The following CAMK1D variants were observed in gnomAD, a reference collection of about 807,000 sequenced individuals.
CAMK1D encodes calcium/calmodulin-dependent protein kinase type 1D.
Under a neutral mutation model 47.7 loss-of-function variants are expected in CAMK1D, and 9 were observed. The observed-to-expected ratio is 0.19, with a 90% CI of 0.11 to 0.33. The LOEUF (loss-of-function observed/expected upper bound fraction) is 0.33, where lower values mean the gene tolerates loss of function less well. Ranked by LOEUF, CAMK1D falls within the 10% of genes least tolerant of loss-of-function variation. The pLI, the probability that CAMK1D is intolerant of heterozygous loss-of-function variation, is 1.00. For synonymous variants in CAMK1D, 184 were observed against 184.9 expected (o/e 0.99, Z 0.04); for missense variants, 291 against 488.7 (o/e 0.60, Z 3.81).
rs1388796030 is a variant in CAMK1D, at chr10:12,761,095, A to G, written c.438+9A>G. On this transcript the variant is annotated intron_variant, in intron 4 of 10. Transcript: ENST00000619168. ...TCCACAGAGACCTCAAGGTGAGGCC[A>G]TCGCTCAGCAGCATCCTGCAGCCAC... 8 of 1,612,584 alleles carry G rather than the reference A, an allele frequency of 5.0e-6. No homozygotes were observed. The highest frequency in any genetic ancestry group is 6.8e-6 in the Non-Finnish European group (8 of 1,178,958).
chr10:12,554,132 T>C (rs1057105991), intron 2 of CAMK1D, among the ~76,000 whole-genome samples: 5 of 150,392 alleles, frequency 3.3e-5, no homozygotes, highest in African/African-American at 1.2e-4. Context: ...CCCTCCCCAC[T>C]CCCCTCCCCT....
intron 2 of CAMK1D, among the ~76,000 whole-genome samples, chr10:12,650,902 C>T (rs549369916): frequency 1.6e-4 from 25 of 152,292 alleles, no homozygotes; most frequent in East Asian, 5.8e-4. Context: ...GGGTTCATCT[C>T]GCCCCACACC....
chr10:12,384,701 G>T (rs1838440185), intron 1 of CAMK1D, among the ~76,000 whole-genome samples: 1 of 152,056 alleles, frequency 6.6e-6, no homozygotes, highest in Non-Finnish European at 1.5e-5. Flanking sequence ...ATGGATCAGT[G>T]ACCTAATATA....
chr10:12,692,146 T>C (rs1448861874), intron 3 of CAMK1D, among the ~76,000 whole-genome samples: 1 of 152,210 alleles, frequency 6.6e-6, no homozygotes, highest in South Asian at 2.1e-4. Flanking sequence ...TTAAGAGCAC[T>C]TGTTTGATTT....
At chr10:12,605,638 C>T (rs1392470638) in intron 2 of CAMK1D, among the ~76,000 whole-genome samples, 1 of 152,102 alleles carries the variant, frequency 6.6e-6, no homozygotes, top group Non-Finnish European at 1.5e-5. Context: ...CAAAACACTT[C>T]TCAGGAGTGA....
At chr10:12,821,258 T>G in intron 8 of CAMK1D, among the ~76,000 whole-genome samples, 1 of 152,218 alleles carries the variant, frequency 6.6e-6, no homozygotes, top group Non-Finnish European at 1.5e-5. Flanking sequence ...GTCTACTGAT[T>G]GAAATGTTCA....
intron 3 of CAMK1D, among the ~76,000 whole-genome samples, chr10:12,674,605 T>G: frequency 6.7e-6 from 1 of 148,168 alleles, no homozygotes; most frequent in Non-Finnish European, 1.5e-5. Context: ...AATGCTTTTT[T>G]TTTTTTTTTT....
At chr10:12,439,006 T>C (rs751975250) in intron 1 of CAMK1D, among the ~76,000 whole-genome samples, 18 of 152,344 alleles carry the variant, frequency 1.2e-4, no homozygotes, top group Middle Eastern at 3.4e-3. Context: ...GTGCAGGCTC[T>C]TTCCTGTCTC....
At position 12,620,172 on chromosome 10, in the gene CAMK1D, G is replaced by A. The variant is rs1286986748; in HGVS notation, c.225-46564G>A. On this transcript the variant is annotated intron_variant, in intron 2 of 10. Coordinates refer to ENST00000619168, the MANE Select transcript of CAMK1D (RefSeq NM_153498.4). The stretch of plus-strand genomic sequence containing the variant: ...TCCGCAGTCCGGCCTGGGCGACAGA[G>A]CGAGACTCCGTCTCAAAAAAAAAAA... 2.8e-5 allele frequency among the ~76,000 whole-genome samples: 3 copies of A among 106,180 alleles called. No homozygotes were observed. In the East Asian group the frequency reaches 8.2e-4, roughly 29 times the overall value. 69.7% of individuals were successfully genotyped at this position (106,180 alleles called of 152,430 possible).
At chr10:12,482,728 G>C (rs1175760543) in intron 1 of CAMK1D, among the ~76,000 whole-genome samples, 1 of 152,186 alleles carries the variant, frequency 6.6e-6, no homozygotes, top group African/African-American at 2.4e-5. Context: ...TTATGCACAT[G>C]TAATTGCATT....
At chr10:12,523,630 A>T (rs1035120088) in intron 1 of CAMK1D, among the ~76,000 whole-genome samples, 1 of 152,198 alleles carries the variant, frequency 6.6e-6, no homozygotes, top group Non-Finnish European at 1.5e-5. Flanking sequence ...CTGCAATCGC[A>T]GGCACTCGGC....
chr10:12,432,434 A>C (rs2131992628), intron 1 of CAMK1D, among the ~76,000 whole-genome samples: 1 of 151,784 alleles, frequency 6.6e-6, no homozygotes, highest in East Asian at 1.9e-4. Context: ...TAAACAAATG[A>C]ATGAGTGAGT....
intron 2 of CAMK1D, among the ~76,000 whole-genome samples, chr10:12,622,468 C>T (rs929349372): frequency 6.6e-6 from 1 of 151,962 alleles, no homozygotes; most frequent in Non-Finnish European, 1.5e-5. Flanking sequence ...TCTTTGGATC[C>T]CAAGATCCCT....
intron 2 of CAMK1D, among the ~76,000 whole-genome samples, chr10:12,583,033 T>C (rs541123049): frequency 1.2e-4 from 19 of 152,144 alleles, no homozygotes; most frequent in African/African-American, 3.9e-4. Context: ...AGCCCAGGAG[T>C]TGAGGACCAG....
chr10:12,647,015 G>C (rs1202963404), intron 2 of CAMK1D, among the ~76,000 whole-genome samples: 1 of 151,564 alleles, frequency 6.6e-6, no homozygotes, highest in Non-Finnish European at 1.5e-5. Flanking sequence ...GCTAATTTTT[G>C]TAGTTTTAGT....
chr10:12,527,262 C>G (rs1389367497), intron 1 of CAMK1D, among the ~76,000 whole-genome samples: 1 of 151,008 alleles, frequency 6.6e-6, no homozygotes, highest in Admixed American at 6.6e-5. Flanking sequence ...TTAGGGACTG[C>G]TTGTCTCAGT....
intron 2 of CAMK1D, among the ~76,000 whole-genome samples, chr10:12,656,877 A>G (rs1840132221): frequency 1.3e-5 from 2 of 152,238 alleles, no homozygotes; most frequent in Non-Finnish European, 2.9e-5. Context: ...ACACATATAT[A>G]TACACGTGGA....
At chr10:12,421,312 C>T (rs1319228417) in intron 1 of CAMK1D, among the ~76,000 whole-genome samples, 4 of 152,006 alleles carry the variant, frequency 2.6e-5, no homozygotes, top group Admixed American at 6.6e-5. Flanking sequence ...CGGTTAATAC[C>T]GGCGGTCACA....
intron 2 of CAMK1D, among the ~76,000 whole-genome samples, chr10:12,664,297 A>G (rs1840361638): frequency 6.6e-6 from 1 of 152,130 alleles, no homozygotes; most frequent in Admixed American, 6.5e-5. Flanking sequence ...TGATGGAGAG[A>G]TATTAATAAA....
Sources: allele counts gnomAD v4.1 joint callset (sites outside exome capture counted in the v4.1 genomes callset), GRCh38; gene constraint gnomAD v4.1.1; transcripts MANE v1.5; gene names NCBI Gene and HGNC (gene_info 2026-07-23, HGNC 2026-07-21).